TANC2: variants seen among roughly 807,000 people sequenced by gnomAD.
TANC2 encodes the protein tetratricopeptide repeat, ankyrin repeat and coiled-coil containing 2, also known as protein TANC2.
TANC2 carries 26 observed loss-of-function variants against 210.5 expected under a neutral mutation model. The ratio of observed to expected loss-of-function variants is 0.12; its 90% CI spans 0.09 to 0.17. TANC2 has a LOEUF of 0.17. Ranked by LOEUF, TANC2 falls within the 10% of genes least tolerant of loss-of-function variation. The pLI is 1.00. For missense variants in TANC2, 2,129 were observed against 2,608.9 expected (o/e 0.82, Z 4.01); for synonymous variants, 931 against 967.1 (o/e 0.96, Z 0.69).
intron 5 of TANC2, among the ~76,000 whole-genome samples, chr17:63,181,023 C>CA (rs1171748208): frequency 0.02 from 613 of 30,660 alleles, 97 homozygotes; most frequent in Middle Eastern, 0.12. Context: ...GACTCCATCT[C>CA]AAAAAAAAAA....
At chr17:63,017,452 C>G (rs962529806) in intron 2 of TANC2, among the ~76,000 whole-genome samples, 3 of 151,968 alleles carry the variant, frequency 2.0e-5, no homozygotes, top group Non-Finnish European at 4.4e-5. Context: ...TTTTTGTTCA[C>G]TGTTCTGTTG....
chr17:63,295,666 G>A (rs533484354), intron 9 of TANC2, among the ~76,000 whole-genome samples: 63 of 152,306 alleles, frequency 4.1e-4, no homozygotes, highest in African/African-American at 1.3e-3. Flanking sequence ...AATTCTGGTC[G>A]TCAGTGGGAT....
intron 14 of TANC2, among the ~76,000 whole-genome samples, chr17:63,371,140 C>T (rs191750359): frequency 3.9e-4 from 59 of 152,154 alleles, no homozygotes; most frequent in African/African-American, 1.4e-3. Flanking sequence ...GTAACTATAC[C>T]ACTTTGTCAC....
chr17:63,261,915 C>T (rs919386220), intron 8 of TANC2, among the ~76,000 whole-genome samples: 2 of 152,188 alleles, frequency 1.3e-5, no homozygotes, highest in South Asian at 4.1e-4. Flanking sequence ...CCAACAGTCA[C>T]TTTAACTATG....
At chr17:63,273,570 T>C (rs950662190) in intron 9 of TANC2, among the ~76,000 whole-genome samples, 3 of 152,154 alleles carry the variant, frequency 2.0e-5, no homozygotes, top group Non-Finnish European at 2.9e-5. Context: ...TAGTTTTGAC[T>C]TTGCAAACTC....
chr17:63,247,672 C>T (rs1328969545), intron 8 of TANC2, among the ~76,000 whole-genome samples: 6 of 152,072 alleles, frequency 3.9e-5, no homozygotes, highest in African/African-American at 1.2e-4. Context: ...GTACTTATCA[C>T]TCATCCTTAA....
intron 15 of TANC2, among the ~76,000 whole-genome samples, chr17:63,380,191 A>T (rs537750349): frequency 2.0e-5 from 3 of 152,288 alleles, no homozygotes; most frequent in Admixed American, 6.5e-5. Context: ...TACTCTTTCC[A>T]TTTTTTAAAA....
intron 14 of TANC2, among the ~76,000 whole-genome samples, chr17:63,361,431 G>A (rs2046954834): frequency 6.6e-6 from 1 of 152,372 alleles, no homozygotes; most frequent in South Asian, 2.1e-4. Flanking sequence ...CAGGCACGCT[G>A]GCTGCTGCAG....
intron 8 of TANC2, among the ~76,000 whole-genome samples, chr17:63,254,585 C>G (rs1264044777): frequency 1.3e-5 from 2 of 152,086 alleles, no homozygotes; most frequent in Non-Finnish European, 2.9e-5. Context: ...AGTTTTTCCC[C>G]ATTCAGTATG....
intron 7 of TANC2, among the ~76,000 whole-genome samples, chr17:63,219,940 A>T (rs1007612182): frequency 6.6e-6 from 1 of 152,198 alleles, no homozygotes; most frequent in African/African-American, 2.4e-5. Context: ...TTTACTATAA[A>T]ACTGCAGAAT....
At chr17:63,190,601 GAAGCGAGTAAGC>G (rs2041151793) in intron 5 of TANC2, among the ~76,000 whole-genome samples, 1 of 152,080 alleles carries the variant, frequency 6.6e-6, no homozygotes, top group Non-Finnish European at 1.5e-5. Context: ...AGAAGGAAAG[GAAGCGAGTAAGC>G]AAGCAGCTGG....
At chr17:63,040,039 A>C (rs1221791991) in intron 2 of TANC2, among the ~76,000 whole-genome samples, 1 of 152,050 alleles carries the variant, frequency 6.6e-6, no homozygotes, top group Non-Finnish European at 1.5e-5. Flanking sequence ...CTCTTTCCCT[A>C]TATTGTTCAT....
At chr17:63,282,111 G>T (rs1279460522) in intron 9 of TANC2, among the ~76,000 whole-genome samples, 1 of 151,928 alleles carries the variant, frequency 6.6e-6, no homozygotes, top group Non-Finnish European at 1.5e-5. Context: ...TTATAATAAA[G>T]ATAAGAGCAG....
At chr17:63,002,147 G>A (rs1346621529) in intron 1 of TANC2, among the ~76,000 whole-genome samples, 1 of 152,064 alleles carries the variant, frequency 6.6e-6, no homozygotes, top group Non-Finnish European at 1.5e-5. Flanking sequence ...CCACAGAGTT[G>A]CCCTCCCCTG....
At chr17:63,005,144 T>C (rs1598231350) in intron 1 of TANC2, 1 of 152,032 alleles carries the variant, frequency 6.6e-6, no homozygotes, top group East Asian at 1.9e-4. Flanking sequence ...TAGCATGATA[T>C]ATAGGTCATT....
At chr17:63,065,889 T>G (rs1011773120) in intron 2 of TANC2, among the ~76,000 whole-genome samples, 14 of 152,196 alleles carry the variant, frequency 9.2e-5, no homozygotes. Flanking sequence ...GCAGAAGGTT[T>G]TTTTCTTTTT....
At chr17:63,401,582 G>C (rs762376464) in intron 19 of TANC2, among the ~76,000 whole-genome samples, 16 of 152,150 alleles carry the variant, frequency 1.1e-4, no homozygotes, top group Non-Finnish European at 1.9e-4. Context: ...AGAGCATCCT[G>C]GTTGCTTTCA....
At chr17:62,972,410 T>G (rs1414057228) in intron 1 of TANC2, among the ~76,000 whole-genome samples, 2 of 152,252 alleles carry the variant, frequency 1.3e-5, no homozygotes, top group African/African-American at 4.8e-5. Context: ...TGGTTTATAG[T>G]GCATCTTAAA....
chr17:63,356,457 C>CT (rs1252477174), intron 14 of TANC2, among the ~76,000 whole-genome samples: 4 of 152,148 alleles, frequency 2.6e-5, no homozygotes, highest in Non-Finnish European at 4.4e-5. Flanking sequence ...GAATAAAACT[C>CT]TGTGTTCATG....
Sources: gnomAD v4.1 joint callset for allele counts (sites outside exome capture counted in the v4.1 genomes callset) on GRCh38, gnomAD v4.1.1 for gene constraint, MANE v1.5 for transcripts, NCBI Gene and HGNC (gene_info 2026-07-23, HGNC 2026-07-21) for gene names.